Variants in FBXO22 observed in about 807,000 individuals in gnomAD.
FBXO22 encodes the protein F-box only protein 22.
In FBXO22, 13 loss-of-function variants were observed where a neutral mutation model predicts 37.2. The observed-to-expected ratio is 0.35, with a 90% CI of 0.23 to 0.56. The LOEUF (loss-of-function observed/expected upper bound fraction) is 0.56, where lower values mean the gene tolerates loss of function less well. Ranked by LOEUF, FBXO22 falls within the 20% of genes least tolerant of loss-of-function variation. The probability of loss-of-function intolerance (pLI) is 0.87; values close to 1 mark genes in which losing one functional copy is unlikely to be tolerated. For synonymous variants in FBXO22, 189 were observed against 189.1 expected (o/e 1.00, Z 0.00); for missense variants, 446 against 509.9 (o/e 0.87, Z 1.21).
At chr15:75,911,089 T>C (rs1207486496) in intron 2 of FBXO22, among the ~76,000 whole-genome samples, 3 of 152,242 alleles carry the variant, frequency 2.0e-5, no homozygotes, top group Non-Finnish European at 4.4e-5. Context: ...TGTGGTGTTA[T>C]TTCTGAGCCC....
rs905710381 is a variant in FBXO22, at chr15:75,935,817, C to T, written c.*2715C>T. On this transcript the variant is annotated 3_prime_UTR_variant, in exon 7 of 7. Coordinates refer to ENST00000308275, the MANE Select transcript of FBXO22 (RefSeq NM_147188.3). ...CTTTCTTTTTTTTTGAGACGGAGTCCCGCTCTTTAGCCCAGGCCGGATTGC... is the reference window on the plus strand; with the variant it reads ...CTTTCTTTTTTTTTGAGACGGAGTCTCGCTCTTTAGCCCAGGCCGGATTGC... 1.3e-5 allele frequency: 2 copies of T among 151,434 alleles called. No individual in the cohort carries two copies. Among genetic ancestry groups the T allele is most frequent in the Non-Finnish European group, 2.9e-5 (2 of 67,918 alleles). 9.4% of individuals were successfully genotyped at this position (151,434 alleles called of 1,614,324 possible). A position where few individuals can be genotyped will look rare whatever the true frequency, so the allele number is the denominator to read the frequency against.
chr15:75,906,196 G>A (rs1454324052), intron 2 of FBXO22, among the ~76,000 whole-genome samples: 3 of 152,024 alleles, frequency 2.0e-5, no homozygotes, highest in Admixed American at 6.6e-5. Context: ...GGCACAAGAT[G>A]TTCTAAGCTT....
chr15:75,908,966 C>A (rs1352714083), intron 2 of FBXO22, among the ~76,000 whole-genome samples: 1 of 152,198 alleles, frequency 6.6e-6, no homozygotes, highest in African/African-American at 2.4e-5. Context: ...TCTGAAACAT[C>A]TTGGCATTCC....
At chr15:75,927,211 G>A (rs1900463628) in intron 5 of FBXO22, among the ~76,000 whole-genome samples, 1 of 152,210 alleles carries the variant, frequency 6.6e-6, no homozygotes, top group South Asian at 2.1e-4. Context: ...TGCTTCGCTT[G>A]ACTCAGCCTC....
chr15:75,929,841 GT>G (rs1193208220), intron 5 of FBXO22, 42 bp from the exon 6 acceptor site: 1 of 1,610,034 alleles, frequency 6.2e-7, no homozygotes, highest in Non-Finnish European at 8.5e-7. Context: ...AATAATTTCT[GT>G]TTTAAGGCTG....
chr15:75,930,796 C>G (rs1595919182), intron 6 of FBXO22: 2 of 985,310 alleles, frequency 2.0e-6, no homozygotes, highest in African/African-American at 3.5e-5. Context: ...CTTGTAAACA[C>G]TACTATTTGT....
intron 5 of FBXO22, among the ~76,000 whole-genome samples, chr15:75,921,137 A>G (rs189591440): frequency 5.9e-5 from 9 of 152,282 alleles, no homozygotes; most frequent in African/African-American, 7.2e-5. Context: ...TTGTAACACA[A>G]TGGTAAGTAT....
chr15:75,907,670 C>G (rs555271206), intron 2 of FBXO22, among the ~76,000 whole-genome samples: 9 of 152,092 alleles, frequency 5.9e-5, no homozygotes, highest in African/African-American at 2.2e-4. Context: ...CCGAGGCAGG[C>G]AAATCACTTG....
intron 5 of FBXO22, among the ~76,000 whole-genome samples, chr15:75,918,419 T>TGTG (rs1900239376): frequency 6.6e-6 from 1 of 151,698 alleles, no homozygotes; most frequent in African/African-American, 2.4e-5. Flanking sequence ...CTCTTAATAA[T>TGTG]GTGGAAGAGG....
At chr15:75,915,687 GTCAGGAGT>G (rs1327851109) in intron 4 of FBXO22, among the ~76,000 whole-genome samples, 2 of 151,976 alleles carry the variant, frequency 1.3e-5, no homozygotes, top group African/African-American at 4.8e-5. Context: ...GGATCATGAG[GTCAGGAGT>G]TCAAGAGCAG....
intron 2 of FBXO22, among the ~76,000 whole-genome samples, chr15:75,908,278 T>C (rs1004502224): frequency 5.0e-5 from 7 of 140,070 alleles, no homozygotes; most frequent in African/African-American, 1.8e-4. Flanking sequence ...TTTTGTTTGG[T>C]TTTTTTTTTT....
In FBXO22 at chr15:75,929,999, C is replaced by T. The variant is rs143480986; in HGVS notation, c.744C>T (p.Ile248=). 5.7e-5 allele frequency: 92 copies of T among 1,613,974 alleles called. No individual in the cohort carries two copies. The highest frequency in any genetic ancestry group is 7.7e-5 in the Non-Finnish European group (91 of 1,179,982). Residue 248 remains isoleucine (I), a synonymous_variant, in exon 6 of 7, where the codon ATC becomes ATT. Coordinates refer to ENST00000308275, the MANE Select transcript of FBXO22 (RefSeq NM_147188.3). Reference sequence around the variant, plus strand: ...TCAGCACTTTCAGTGATATGAATATCATCTTGGCTGGAGGCCAGGTGGACA... The same window carrying T: ...TCAGCACTTTCAGTGATATGAATATTATCTTGGCTGGAGGCCAGGTGGACA... The part of the protein sequence containing the change: ...QVVSTFSDMN[I]ILAGGQVDNL...
chr15:75,929,514 G>GTTTT (rs35139316), intron 5 of FBXO22, among the ~76,000 whole-genome samples: 5 of 142,610 alleles, frequency 3.5e-5, no homozygotes, highest in Non-Finnish European at 4.6e-5. Context: ...GTAAACCAGT[G>GTTTT]TTTTTTTTTT....
At chr15:75,914,447 C>T (rs1341198346) in intron 4 of FBXO22, among the ~76,000 whole-genome samples, 4 of 152,280 alleles carry the variant, frequency 2.6e-5, no homozygotes, top group Non-Finnish European at 4.4e-5. Flanking sequence ...GGGGAATGAT[C>T]TCATTCTGCC....
intron 5 of FBXO22, among the ~76,000 whole-genome samples, chr15:75,926,620 C>T (rs1039171963): frequency 3.9e-5 from 6 of 152,124 alleles, no homozygotes; most frequent in African/African-American, 1.2e-4. Context: ...CTCCATCATT[C>T]GAGGTTTACT....
In FBXO22 at chr15:75,937,305, C is replaced by T. The variant is rs1308253593; in HGVS notation, c.*4203C>T. On this transcript the variant is annotated 3_prime_UTR_variant, in exon 7 of 7. Transcript: ENST00000308275. ...TGGGCAGATCACGAGGTCAGGAGAT[C>T]GAGACCATCCTGGCTAACACAGTGA... is the stretch of plus-strand genomic sequence containing the variant. 4.0e-5 allele frequency: 6 copies of T among 150,836 alleles called. No homozygotes were observed. The highest frequency in any genetic ancestry group is 2.6e-4 in the Admixed American group (4 of 15,154). The allele number at this position is 150,836 out of a possible 1,614,324, so 9.3% of individuals were successfully genotyped here. A position where few individuals can be genotyped will look rare whatever the true frequency, so the allele number is the denominator to read the frequency against.
At position 75,917,369 on chromosome 15, in the gene FBXO22, A is replaced by C; in HGVS notation, c.603A>C (p.Leu201Phe). The change falls in exon 5 of 7, where the codon TTA becomes TTC. Residue 201 changes from leucine (L) to phenylalanine (F), a missense_variant. Coordinates refer to ENST00000308275, the MANE Select transcript of FBXO22 (RefSeq NM_147188.3). ...HFIKDPKNLT[L>F]ERHQLTEVGL... ...TTAAGGATCCAAAGAATTTAACATT[A>C]GAAAGACATCAACTCACTGAAGTAG... 1 of 1,598,046 alleles carries C rather than the reference A, an allele frequency of 6.3e-7. No homozygotes were observed. Among genetic ancestry groups the C allele is most frequent in the Non-Finnish European group, 8.6e-7 (1 of 1,167,410 alleles).
At chr15:75,912,612 G>A (rs1265052739) in intron 2 of FBXO22, among the ~76,000 whole-genome samples, 1 of 152,182 alleles carries the variant, frequency 6.6e-6, no homozygotes, top group Non-Finnish European at 1.5e-5. Flanking sequence ...GATCAGTGGT[G>A]ATATCCCCTT....
At chr15:75,918,201 A>G (rs886617130) in intron 5 of FBXO22, among the ~76,000 whole-genome samples, 2 of 152,174 alleles carry the variant, frequency 1.3e-5, no homozygotes, top group African/African-American at 4.8e-5. Flanking sequence ...TTGAAATGGG[A>G]CTTAAACCAG....
Sources: allele counts gnomAD v4.1 joint callset (sites outside exome capture counted in the v4.1 genomes callset), GRCh38; gene constraint gnomAD v4.1.1; transcripts MANE v1.5; gene names NCBI Gene and HGNC (gene_info 2026-07-23, HGNC 2026-07-21).